The following ULK4 variants were observed in gnomAD, a reference collection of about 807,000 sequenced individuals.
ULK4 encodes unc-51 like kinase 4.
A neutral mutation model predicts 160.6 loss-of-function variants in ULK4; 133 were observed. The observed-to-expected ratio is 0.83, with a 90% CI of 0.72 to 0.96. The LOEUF is 0.96. Ranked by LOEUF, ULK4 falls within the 40% of genes least tolerant of loss-of-function variation. ULK4 has a pLI of 0.00. For missense variants in ULK4, 1,580 were observed against 1,499.5 expected (o/e 1.05, Z -0.89); for synonymous variants, 534 against 539.8 (o/e 0.99, Z 0.15).
intron 35 of ULK4, among the ~76,000 whole-genome samples, chr3:41,334,790 T>C (rs2080520602): frequency 6.6e-6 from 1 of 152,332 alleles, no homozygotes; most frequent in Non-Finnish European, 1.5e-5. Flanking sequence ...GGAAAAGAAT[T>C]AACCACAAAT....
intron 16 of ULK4, among the ~76,000 whole-genome samples, chr3:41,887,840 T>C (rs1242415788): frequency 1.3e-5 from 2 of 151,488 alleles, no homozygotes; most frequent in Non-Finnish European, 2.9e-5. Flanking sequence ...AAAAAAGCAC[T>C]TCTATATACC....
At chr3:41,657,139 T>TA (rs1011745056) in intron 30 of ULK4, among the ~76,000 whole-genome samples, 6 of 151,722 alleles carry the variant, frequency 4.0e-5, no homozygotes, top group South Asian at 4.2e-4. Context: ...ACTGTTTTTT[T>TA]AAAAAAAAAT....
At chr3:41,648,346 TC>T (rs1410508946) in intron 30 of ULK4, among the ~76,000 whole-genome samples, 1 of 151,776 alleles carries the variant, frequency 6.6e-6, no homozygotes. Flanking sequence ...TTGGCTGCCC[TC>T]CCCAGTTTTT....
chr3:41,829,127 C>G (rs2041478650), intron 18 of ULK4, among the ~76,000 whole-genome samples: 1 of 150,190 alleles, frequency 6.7e-6, no homozygotes, highest in Non-Finnish European at 1.5e-5. Context: ...CTTCCTTACA[C>G]CTTACACAAA....
At chr3:41,829,785 C>T (rs1233212949) in intron 18 of ULK4, among the ~76,000 whole-genome samples, 3 of 147,558 alleles carry the variant, frequency 2.0e-5, no homozygotes, top group Non-Finnish European at 4.4e-5. Context: ...ACCCAGCCAT[C>T]CCATTACTGG....
chr3:41,444,361 TTCTCTCTC>T lies in ULK4; in HGVS notation c.3492+11128_3492+11135del, dbSNP rs56744200. On this transcript the variant is annotated intron_variant, in intron 34 of 36. Transcript: ENST00000301831. The stretch of plus-strand genomic sequence containing the variant: ...TCTCTTTCTAAATGATTTAAGTGAC[TTCTCTCTC>T]TCTCTCTCTCTCTCTCTCTCTCTGT... Among the ~76,000 whole-genome samples, 40 of 146,550 alleles carry T rather than the reference TTCTCTCTC, an allele frequency of 2.7e-4. 2 individuals carry two copies. The highest frequency in any genetic ancestry group is 1.8e-3 in the South Asian group (8 of 4,556).
chr3:41,881,645 A>G (rs1351783885), intron 17 of ULK4, among the ~76,000 whole-genome samples: 1 of 152,220 alleles, frequency 6.6e-6, no homozygotes, highest in African/African-American at 2.4e-5. Flanking sequence ...AGTTCACAAT[A>G]CAGTGTAATT....
chr3:41,483,439 C>T (rs898067626), intron 32 of ULK4, among the ~76,000 whole-genome samples: 1 of 152,086 alleles, frequency 6.6e-6, no homozygotes, highest in African/African-American at 2.4e-5. Flanking sequence ...TTTCCACCCC[C>T]ACACCCCCAT....
chr3:41,881,327 C>T (rs1488735566), intron 17 of ULK4, among the ~76,000 whole-genome samples: 3 of 137,464 alleles, frequency 2.2e-5, no homozygotes, highest in African/African-American at 9.1e-5. Context: ...AAAGATGAAA[C>T]ATGGTACCAT....
At chr3:41,641,212 G>A (rs1217550176) in intron 30 of ULK4, among the ~76,000 whole-genome samples, 1 of 152,160 alleles carries the variant, frequency 6.6e-6, no homozygotes, top group Non-Finnish European at 1.5e-5. Context: ...ATCAGCCCTG[G>A]TGCAGCAGTG....
intron 35 of ULK4, among the ~76,000 whole-genome samples, chr3:41,267,608 G>C (rs897823239): frequency 6.6e-6 from 1 of 152,152 alleles, no homozygotes; most frequent in Admixed American, 6.5e-5. Context: ...CATTTACCCT[G>C]AAATAGAGGA....
chr3:41,305,410 C>T (rs1167063405), intron 35 of ULK4, among the ~76,000 whole-genome samples: 1 of 152,220 alleles, frequency 6.6e-6, no homozygotes, highest in Non-Finnish European at 1.5e-5. Flanking sequence ...TTGGTGGAGA[C>T]GGGGTTTCGC....
intron 18 of ULK4, among the ~76,000 whole-genome samples, chr3:41,830,131 C>T (rs2041525158): frequency 6.6e-6 from 1 of 152,024 alleles, no homozygotes; most frequent in African/African-American, 2.4e-5. Context: ...GAACATCACT[C>T]TCTGGGGACT....
intron 34 of ULK4, among the ~76,000 whole-genome samples, chr3:41,425,743 A>G (rs567006500): frequency 6.6e-6 from 1 of 152,326 alleles, no homozygotes; most frequent in Non-Finnish European, 1.5e-5. Context: ...GGAATTCATC[A>G]CCACCAGGCC....
At chr3:41,482,404 G>T (rs540804154) in intron 32 of ULK4, among the ~76,000 whole-genome samples, 3 of 152,184 alleles carry the variant, frequency 2.0e-5, no homozygotes, top group Non-Finnish European at 4.4e-5. Flanking sequence ...GCTGGGTTAC[G>T]ACAAGTATAT....
At chr3:41,913,504 C>T (rs368354647) in intron 8 of ULK4, among the ~76,000 whole-genome samples, 16 of 152,232 alleles carry the variant, frequency 1.1e-4, no homozygotes, top group East Asian at 7.7e-4. Context: ...GGATTACTGG[C>T]GTGAGCCACC....
chr3:41,354,390 T>C (rs867088401), intron 35 of ULK4, among the ~76,000 whole-genome samples: 1 of 152,308 alleles, frequency 6.6e-6, no homozygotes, highest in Middle Eastern at 3.4e-3. Context: ...TCACTGCCCA[T>C]AATTTCCATA....
chr3:41,529,255 G>A (rs1013711936), intron 32 of ULK4, among the ~76,000 whole-genome samples: 9 of 152,068 alleles, frequency 5.9e-5, no homozygotes, highest in African/African-American at 2.2e-4. Flanking sequence ...TCATTAAAAC[G>A]AGAAAAATTT....
chr3:41,430,143 A>G (rs1250024010), intron 34 of ULK4, among the ~76,000 whole-genome samples: 1 of 152,216 alleles, frequency 6.6e-6, no homozygotes, highest in Non-Finnish European at 1.5e-5. Context: ...TTAAAAGAAT[A>G]TAACTTTCTA....
Sources: gnomAD v4.1 joint callset for allele counts (sites outside exome capture counted in the v4.1 genomes callset) on GRCh38, gnomAD v4.1.1 for gene constraint, MANE v1.5 for transcripts, NCBI Gene and HGNC (gene_info 2026-07-23, HGNC 2026-07-21) for gene names.